Variants in LZIC observed in about 807,000 individuals in gnomAD.
LZIC encodes leucine zipper and CTNNBIP1 domain containing, also known as protein LZIC.
LZIC carries 28 observed loss-of-function variants against 25.4 expected under a neutral mutation model. The observed-to-expected ratio is 1.10, with a 90% confidence interval of 0.82 to 1.51. The LOEUF (loss-of-function observed/expected upper bound fraction) is 1.51. Among genes scored for constraint, LZIC ranks in the 40% most tolerant of loss-of-function variants. The pLI is 0.00. For synonymous variants in LZIC, 65 were observed against 70.7 expected (o/e 0.92, Z 0.40); for missense variants, 170 against 211.1 (o/e 0.81, Z 1.21).
chr1:9,930,568 AG>A, intron 7 of LZIC, 111 bp from the exon 8 acceptor site: 3 of 1,469,084 alleles, frequency 2.0e-6, no homozygotes, highest in Non-Finnish European at 2.8e-6. Context: ...AAATATAATT[AG>A]CCTCCATTAT....
At chr1:9,923,952 A>G (rs1639920653), downstream of LZIC, among the ~76,000 whole-genome samples, 1 of 152,058 alleles carries the variant, frequency 6.6e-6, no homozygotes, top group Admixed American at 6.5e-5. Context: ...GGGTTTCACC[A>G]TGTTGGCCAG....
chr1:9,931,464 G>A (rs1289172711), intron 7 of LZIC, among the ~76,000 whole-genome samples: 1 of 151,990 alleles, frequency 6.6e-6, no homozygotes, highest in South Asian at 2.1e-4. Flanking sequence ...GGGTTTCACT[G>A]TATTAGCCAG....
chr1:9,928,599 C>T lies in LZIC; in HGVS notation c.*1800G>A, dbSNP rs188430464. On this transcript the variant is annotated 3_prime_UTR_variant, in exon 8 of 8. Coordinates refer to ENST00000377223, the MANE Select transcript of LZIC (RefSeq NM_032368.5). ...TAAACTTGAAAATATGATGATGTCCCGGTGTGGTAGCTCACACCTATAATC... is the reference window on the plus strand; with the variant it reads ...TAAACTTGAAAATATGATGATGTCCTGGTGTGGTAGCTCACACCTATAATC... Among the ~76,000 whole-genome samples, 16 of 152,048 alleles carry T rather than the reference C, an allele frequency of 1.1e-4. No individual in the cohort carries two copies. Among genetic ancestry groups the T allele is most frequent in the Admixed American group, 5.9e-4 (9 of 15,234 alleles).
At chr1:9,935,393 A>T in intron 4 of LZIC, 99 bp downstream of exon 4, 2 of 1,296,306 alleles carry the variant, frequency 1.5e-6, no homozygotes, top group Non-Finnish European at 2.1e-6. Context: ...GCCCCACTGC[A>T]CTCCAGCCTG....
At chr1:9,939,367 T>TTC (rs201894016) in intron 2 of LZIC, among the ~76,000 whole-genome samples, 6 of 67,588 alleles carry the variant, frequency 8.9e-5, no homozygotes, top group Non-Finnish European at 1.4e-4. Context: ...TGGCTTTTTT[T>TTC]TTTTTCTTTT....
At chr1:9,933,929 C>CA (rs1259453371) in intron 5 of LZIC, among the ~76,000 whole-genome samples, 5 of 150,744 alleles carry the variant, frequency 3.3e-5, no homozygotes, top group Admixed American at 6.6e-5. Context: ...AACAAAAAAA[C>CA]AAAAAACAAA....
In LZIC at chr1:9,930,103, T is replaced by G; in HGVS notation, c.*296A>C. 8.8e-7 allele frequency: 1 copy of G among 1,134,632 alleles called. No individual in the cohort carries two copies. Among genetic ancestry groups the G allele is most frequent in the Middle Eastern group, 3.9e-4 (1 of 2,594 alleles). 70.3% of individuals were successfully genotyped at this position (1,134,632 alleles called of 1,614,324 possible). ...TATCAACACTTAAAAACAAACAGCC[T>G]TAATAAAAATCAAGTCCACTTTGTT... On this transcript the variant is annotated 3_prime_UTR_variant, in exon 8 of 8. Transcript: ENST00000377223.
downstream of LZIC, among the ~76,000 whole-genome samples, chr1:9,925,886 CTTTTTTTTTT>C (rs70998325): frequency 2.3e-5 from 1 of 43,472 alleles, no homozygotes; most frequent in South Asian, 8.0e-4. Context: ...CCACTCATGC[CTTTTTTTTTT>C]TTTTTTTTTT....
Position 9,927,570 on chromosome 1 carries a change from A to G in LZIC, c.*2829T>C, listed in dbSNP as rs1640029280. On this transcript the variant is annotated 3_prime_UTR_variant, in exon 8 of 8. Transcript: ENST00000377223. The stretch of plus-strand genomic sequence containing the variant: ...CCCACCTCTGCCTCCCAGAGTTCTG[A>G]GATTACATGCGTGAGCCACTGTGCC... Among the ~76,000 whole-genome samples the G allele has an allele frequency of 6.7e-6, 1 of 149,842 alleles. No homozygotes were observed.
chr1:9,939,542 C>CTT (rs34837155), intron 2 of LZIC, among the ~76,000 whole-genome samples: 8,367 of 81,944 alleles, frequency 0.1, 720 homozygotes, highest in African/African-American at 0.2. Flanking sequence ...CCACATCTGC[C>CTT]TTTTTTTTTT....
Position 9,930,084 on chromosome 1 carries a change from C to T in LZIC, c.*315G>A. The T allele has an allele frequency of 9.2e-7, 1 of 1,089,524 alleles. No individual in the cohort carries two copies. The highest frequency in any genetic ancestry group is 4.2e-4 in the Middle Eastern group (1 of 2,392). The allele number at this position is 1,089,524 out of a possible 1,614,324, so 67.5% of individuals were successfully genotyped here. ...TTCACATCTTTTCGTTCACTATCAACACTTAAAAACAAACAGCCTTAATAA... is the reference window on the plus strand; with the variant it reads ...TTCACATCTTTTCGTTCACTATCAATACTTAAAAACAAACAGCCTTAATAA... On this transcript the variant is annotated 3_prime_UTR_variant, in exon 8 of 8. Coordinates refer to ENST00000377223, the MANE Select transcript of LZIC (RefSeq NM_032368.5).
chr1:9,933,337 A>G (rs1218919929), intron 5 of LZIC, among the ~76,000 whole-genome samples: 1 of 150,128 alleles, frequency 6.7e-6, no homozygotes, highest in Non-Finnish European at 1.5e-5. Context: ...TACTTCTTAA[A>G]AAAAAATCCT....
intron 2 of LZIC, among the ~76,000 whole-genome samples, chr1:9,941,189 G>C (rs66467678): frequency 8.7e-6 from 1 of 114,566 alleles, no homozygotes; most frequent in African/African-American, 2.7e-5. Context: ...TCGTTCGTTC[G>C]TTCTTTCTTT....
Position 9,929,092 on chromosome 1 carries a change from C to T in LZIC, c.*1307G>A, listed in dbSNP as rs76744859. The stretch of plus-strand genomic sequence containing the variant: ...CTCCTTTGGGGGTGATAAGAATGTT[C>T]TGCAACTAGAGAGTAGTGATGGTTG... On this transcript the variant is annotated 3_prime_UTR_variant, in exon 8 of 8. Coordinates refer to ENST00000377223, the MANE Select transcript of LZIC (RefSeq NM_032368.5). 0.045 allele frequency: 7,348 copies of T among 162,666 alleles called. 220 individuals carry two copies. The highest frequency in any genetic ancestry group is 0.067 in the Non-Finnish European group (5,201 of 77,710). The allele number at this position is 162,666 out of a possible 1,614,324, so 10.1% of individuals were successfully genotyped here.
chr1:9,933,335 A>T (rs1052269966), intron 5 of LZIC, among the ~76,000 whole-genome samples: 9 of 148,490 alleles, frequency 6.1e-5, no homozygotes, highest in Admixed American at 1.3e-4. Flanking sequence ...CGTACTTCTT[A>T]AAAAAAAATC....
chr1:9,939,346 G>A (rs1473266293), intron 2 of LZIC, among the ~76,000 whole-genome samples: 1 of 148,016 alleles, frequency 6.8e-6, no homozygotes, highest in Non-Finnish European at 1.5e-5. Flanking sequence ...ACAGGCATGA[G>A]GCACCCCACT....
downstream of LZIC, among the ~76,000 whole-genome samples, chr1:9,925,034 G>A (rs575249484): frequency 1.3e-5 from 2 of 151,910 alleles, no homozygotes; most frequent in Admixed American, 6.6e-5. Context: ...CCTTACCACC[G>A]GGCGCAGTGG....
At chr1:9,923,345 G>A (rs1053599172), downstream of LZIC, among the ~76,000 whole-genome samples, 1 of 151,874 alleles carries the variant, frequency 6.6e-6, no homozygotes, top group Admixed American at 6.6e-5. Flanking sequence ...GAGTAGCTGG[G>A]ATTACAGGCA....
intron 2 of LZIC, among the ~76,000 whole-genome samples, chr1:9,936,986 G>A (rs576613884): frequency 1.3e-5 from 2 of 152,114 alleles, no homozygotes; most frequent in Non-Finnish European, 2.9e-5. Flanking sequence ...AAAAAAGGCC[G>A]GATGTGGTGG....
Sources: allele counts gnomAD v4.1 joint callset (sites outside exome capture counted in the v4.1 genomes callset), GRCh38; gene constraint gnomAD v4.1.1; transcripts MANE v1.5; gene names NCBI Gene and HGNC (gene_info 2026-07-23, HGNC 2026-07-21).